The following SRRM3 variants were observed in gnomAD, a reference collection of about 807,000 sequenced individuals.
The protein encoded by SRRM3 is serine/arginine repetitive matrix protein 3.
In SRRM3, 27 loss-of-function variants were observed where a neutral mutation model predicts 66.2. The observed-to-expected ratio is 0.41, with a 90% CI of 0.30 to 0.56. The LOEUF is 0.56. Among genes scored for constraint, SRRM3 ranks in the 20% least tolerant of loss-of-function variants. The pLI, the probability that SRRM3 is intolerant of heterozygous loss-of-function variation, is 0.32. For synonymous variants in SRRM3, 391 were observed against 414.9 expected (o/e 0.94, Z 0.70); for missense variants, 918 against 991.9 (o/e 0.93, Z 1.00).
At chr7:76,264,029 A>G (rs533958719) in intron 8 of SRRM3, among the ~76,000 whole-genome samples, 313 of 151,810 alleles carry the variant, frequency 2.1e-3, no homozygotes, top group Non-Finnish European at 3.1e-3. Context: ...ATCAGGCCAC[A>G]CCCCAATACT....
intron 3 of SRRM3, among the ~76,000 whole-genome samples, chr7:76,250,620 T>C (rs1801557114): frequency 6.6e-6 from 1 of 152,184 alleles, no homozygotes; most frequent in Admixed American, 6.6e-5. Context: ...CTTTCTGTAT[T>C]GCTGGGTAGT....
At chr7:76,206,437 A>AG (rs367906488) in intron 1 of SRRM3, among the ~76,000 whole-genome samples, 44 of 152,278 alleles carry the variant, frequency 2.9e-4, no homozygotes, top group African/African-American at 1.0e-3. Context: ...ATGACAGGGA[A>AG]GGGCTTGTTA....
intron 14 of SRRM3, chr7:76,283,937 C>CCAGCAAGGCAGTGGCAG: frequency 1.6e-6 from 1 of 631,128 alleles, no homozygotes; most frequent in Non-Finnish European, 2.0e-6. Context: ...CCAACTCTGC[C>CCAGCAAGGCAGTGGCAG]ACTGCCTTGC....
intron 8 of SRRM3, among the ~76,000 whole-genome samples, chr7:76,264,548 C>T (rs1554609202): frequency 6.6e-6 from 1 of 152,298 alleles, no homozygotes; most frequent in Admixed American, 6.5e-5. Flanking sequence ...GGGAGGTGTT[C>T]ACGGGCCAGG....
chr7:76,253,636 AT>A (rs1348264836), intron 3 of SRRM3, among the ~76,000 whole-genome samples: 3 of 151,806 alleles, frequency 2.0e-5, no homozygotes, highest in Non-Finnish European at 4.4e-5. Context: ...AATTAAAAAA[AT>A]AAAATAAAAA....
At chr7:76,256,605 G>A (rs1262857558) in intron 3 of SRRM3, among the ~76,000 whole-genome samples, 2 of 151,948 alleles carry the variant, frequency 1.3e-5, no homozygotes, top group African/African-American at 4.8e-5. Flanking sequence ...CTAAACAAGG[G>A]GTGGATTATT....
intron 11 of SRRM3, among the ~76,000 whole-genome samples, chr7:76,281,218 C>T (rs544250408): frequency 6.6e-6 from 1 of 151,312 alleles, no homozygotes; most frequent in African/African-American, 2.4e-5. Flanking sequence ...CATTCTCTCT[C>T]TCCGTCTCTT....
rs57880700 is a variant in SRRM3, at chr7:76,255,148, CT to C, written c.336-4739del. Among the ~76,000 whole-genome samples the C allele has an allele frequency of 5.2e-3, 430 of 83,172 alleles. 5 individuals are homozygous for C. The highest frequency in any genetic ancestry group is 0.024 in the African/African-American group (376 of 15,890). 54.6% of individuals were successfully genotyped at this position (83,172 alleles called of 152,430 possible). ...CTTTTCTTTCTTTCTTTCTTTCTTT[CT>C]TTTTTTTTTTTTTTTTTTGAGATGG... On this transcript the variant is annotated intron_variant, in intron 3 of 14. Coordinates refer to ENST00000611745, the MANE Select transcript of SRRM3 (RefSeq NM_001110199.3).
At chr7:76,250,422 TG>T (rs1801549164) in intron 3 of SRRM3, among the ~76,000 whole-genome samples, 1 of 151,914 alleles carries the variant, frequency 6.6e-6, no homozygotes, top group South Asian at 2.1e-4. Context: ...TTAGTAGAGA[TG>T]GGGTTTCGCC....
At chr7:76,207,440 C>T (rs1800329937) in intron 1 of SRRM3, among the ~76,000 whole-genome samples, 2 of 152,176 alleles carry the variant, frequency 1.3e-5, no homozygotes, top group Admixed American at 1.3e-4. Flanking sequence ...ACTTTGAACA[C>T]AGTATGGTAT....
chr7:76,206,939 C>G (rs916551894), intron 1 of SRRM3, among the ~76,000 whole-genome samples: 2 of 152,176 alleles, frequency 1.3e-5, no homozygotes, highest in African/African-American at 4.8e-5. Context: ...GAGGCCTGAC[C>G]CATTTACTCA....
rs188224520 is a variant in SRRM3, at chr7:76,205,324, C to T, written c.-40+3257C>T. On this transcript the variant is annotated intron_variant, in intron 1 of 14. Coordinates refer to ENST00000611745, the MANE Select transcript of SRRM3 (RefSeq NM_001110199.3). ...TCCTGGGTTCAAATGATTCTCCTGC[C>T]TCAGCCTCCCAAGTAGCTGGGACTA... Among the ~76,000 whole-genome samples the T allele has an allele frequency of 2.7e-3, 406 of 152,296 alleles. 1 individual carries two copies. The highest frequency in any genetic ancestry group is 4.8e-3 in the Admixed American group (73 of 15,280).
intron 2 of SRRM3, among the ~76,000 whole-genome samples, chr7:76,243,072 A>ACCCCACCAGG (rs1237112317): frequency 3.3e-5 from 5 of 152,096 alleles, no homozygotes; most frequent in Middle Eastern, 6.8e-3. Flanking sequence ...CTCCCACCAG[A>ACCCCACCAGG]CCCCACCTCC....
Position 76,255,730 on chromosome 7 carries a change from G to C in SRRM3, c.336-4176G>C, listed in dbSNP as rs113724077. On this transcript the variant is annotated intron_variant, in intron 3 of 14. Coordinates refer to ENST00000611745, the MANE Select transcript of SRRM3 (RefSeq NM_001110199.3). ...CCCAATGTGTTGGGATTACAGGCAT[G>C]AGCCATCACACCCGGCCTGGTTACA... 4.3e-3 allele frequency among the ~76,000 whole-genome samples: 649 copies of C among 152,358 alleles called. 4 individuals are homozygous for C. Among genetic ancestry groups the C allele is most frequent in the African/African-American group, 0.015 (627 of 41,582 alleles).
At chr7:76,220,586 A>G (rs1411800327) in intron 1 of SRRM3, among the ~76,000 whole-genome samples, 3 of 152,012 alleles carry the variant, frequency 2.0e-5, no homozygotes, top group Non-Finnish European at 4.4e-5. Flanking sequence ...AGCCACCTCC[A>G]TTGCCCAGCA....
chr7:76,223,078 G>A (rs569139628), intron 1 of SRRM3, among the ~76,000 whole-genome samples: 30 of 152,164 alleles, frequency 2.0e-4, no homozygotes, highest in African/African-American at 7.0e-4. Flanking sequence ...CTCTCCTGAC[G>A]CACCCCAGCT....
At chr7:76,267,188 G>A in intron 10 of SRRM3, 70 bp from the exon 11 acceptor site, 1 of 1,358,106 alleles carries the variant, frequency 7.4e-7, no homozygotes, top group Non-Finnish European at 9.7e-7. Context: ...GGGGGAAAGA[G>A]GAGGCGCAAC....
At chr7:76,244,166 C>T (rs572558779) in intron 2 of SRRM3, among the ~76,000 whole-genome samples, 60 of 152,270 alleles carry the variant, frequency 3.9e-4, no homozygotes, top group African/African-American at 1.3e-3. Context: ...CCACGGTGAG[C>T]GACACAGCAG....
chr7:76,265,529 C>T (rs1801987409), intron 10 of SRRM3, 61 bp downstream of exon 10: 2 of 1,352,796 alleles, frequency 1.5e-6, no homozygotes, highest in Non-Finnish European at 2.1e-6. Flanking sequence ...AGATTAAACA[C>T]CCCCAAGGGC....
Sources: gnomAD v4.1 joint callset for allele counts (sites outside exome capture counted in the v4.1 genomes callset) on GRCh38, gnomAD v4.1.1 for gene constraint, MANE v1.5 for transcripts, NCBI Gene and HGNC (gene_info 2026-07-23, HGNC 2026-07-21) for gene names.